Variants in LRRFIP1 observed in about 807,000 individuals in gnomAD.
LRRFIP1 encodes the protein leucine-rich repeat flightless-interacting protein 1.
A neutral mutation model predicts 104.4 loss-of-function variants in LRRFIP1; 62 were observed. The ratio of observed to expected loss-of-function variants is 0.59; its 90% confidence interval spans 0.48 to 0.73. The LOEUF is 0.73. LRRFIP1 is among the 30% of genes least tolerant of loss of function. The pLI, the probability that LRRFIP1 is intolerant of heterozygous loss-of-function variation, is 0.00. For missense variants in LRRFIP1, 796 were observed against 824.5 expected (o/e 0.97, Z 0.42); for synonymous variants, 300 against 299.0 (o/e 1.00, Z -0.03).
intron 19 of LRRFIP1, chr2:237,763,853 A>G: frequency 6.2e-7 from 1 of 1,614,252 alleles, no homozygotes; most frequent in Non-Finnish European, 8.5e-7. Context: ...CACTCAAAGC[A>G]GTCCTGCAGA....
At chr2:237,697,830 C>A (rs998810475) in intron 1 of LRRFIP1, among the ~76,000 whole-genome samples, 5 of 149,404 alleles carry the variant, frequency 3.3e-5, no homozygotes, top group Non-Finnish European at 7.4e-5. Flanking sequence ...CCTCTCAGTC[C>A]CGCACGTCTC....
At chr2:237,747,718 G>C (rs2058060972) in intron 11 of LRRFIP1, among the ~76,000 whole-genome samples, 1 of 152,176 alleles carries the variant, frequency 6.6e-6, no homozygotes, top group Non-Finnish European at 1.5e-5. Context: ...TGAGCTACGG[G>C]AAGTTGGGTT....
intron 8 of LRRFIP1, among the ~76,000 whole-genome samples, chr2:237,733,284 C>T (rs2095094737): frequency 6.6e-6 from 1 of 152,226 alleles, no homozygotes; most frequent in Non-Finnish European, 1.5e-5. Flanking sequence ...GCTGAGGCAG[C>T]CTTGCAGTGA....
At chr2:237,629,787 A>G (rs529182946) in intron 1 of LRRFIP1, among the ~76,000 whole-genome samples, 9 of 152,256 alleles carry the variant, frequency 5.9e-5, no homozygotes, top group Admixed American at 2.6e-4. Context: ...GCTGGTTTTT[A>G]TAAAATAGAT....
intron 2 of LRRFIP1, among the ~76,000 whole-genome samples, chr2:237,710,226 C>T (rs2150042266): frequency 1.3e-5 from 2 of 152,174 alleles, no homozygotes; most frequent in East Asian, 3.9e-4. Context: ...ATCAGTGTCT[C>T]TGTAGAATGT....
chr2:237,735,442 A>T lies in LRRFIP1; in HGVS notation c.555+109A>T, dbSNP rs577129704. On this transcript the variant is annotated intron_variant, in intron 10 of 23. Coordinates refer to ENST00000308482, the MANE Select transcript of LRRFIP1 (RefSeq NM_001137550.2). The surrounding 1 kb of genome is among the most constrained non-coding windows in gnomAD (Gnocchi z 4.6). ...GGGGTGACTGGCCATTCTCAGGAGGAAGCGCCGAGTCACCGGGCTAACCGC... is the reference window on the plus strand; with the variant it reads ...GGGGTGACTGGCCATTCTCAGGAGGTAGCGCCGAGTCACCGGGCTAACCGC... 2.0e-6 allele frequency: 2 copies of T among 998,114 alleles called. No homozygotes were observed. The highest frequency in any genetic ancestry group is 3.3e-5 in the South Asian group (2 of 60,914). 61.8% of individuals were successfully genotyped at this position (998,114 alleles called of 1,614,324 possible).
intron 2 of LRRFIP1, 137 bp downstream of exon 2, chr2:237,708,767 T>C: frequency 2.0e-6 from 2 of 989,402 alleles, no homozygotes; most frequent in Non-Finnish European, 3.1e-6. Context: ...TTTGCGCCTG[T>C]GACTTCTGCC....
At chr2:237,684,969 C>A (rs1486579111) in intron 1 of LRRFIP1, among the ~76,000 whole-genome samples, 1 of 151,050 alleles carries the variant, frequency 6.6e-6, no homozygotes, top group Non-Finnish European at 1.5e-5. Context: ...CACCTGCAGG[C>A]CTAGCTACTT....
intron 1 of LRRFIP1, among the ~76,000 whole-genome samples, chr2:237,633,768 A>G (rs1414120991): frequency 2.0e-5 from 3 of 152,152 alleles, no homozygotes; most frequent in Non-Finnish European, 4.4e-5. Context: ...GAGGCCACCT[A>G]TTAATTAGGG....
intron 13 of LRRFIP1, 77 bp downstream of exon 13, chr2:237,749,401 T>A: frequency 7.0e-7 from 1 of 1,432,698 alleles, no homozygotes; most frequent in Non-Finnish European, 9.5e-7. Flanking sequence ...AAAAAAAAAG[T>A]TAATTCATAA....
intron 8 of LRRFIP1, among the ~76,000 whole-genome samples, chr2:237,730,100 C>T (rs752770794): frequency 1.3e-5 from 2 of 152,118 alleles, no homozygotes; most frequent in Non-Finnish European, 2.9e-5. Context: ...AATGAAAGGA[C>T]GTGTTTTTGT....
chr2:237,741,541 A>G (rs1361806602), intron 11 of LRRFIP1, among the ~76,000 whole-genome samples: 2 of 152,198 alleles, frequency 1.3e-5, no homozygotes, highest in African/African-American at 4.8e-5. Context: ...AGAAAATGTA[A>G]GTATTGCCAG....
At position 237,711,873 on chromosome 2, in the gene LRRFIP1, G is replaced by A. The variant is rs1294022187; in HGVS notation, c.184-2386G>A. On this transcript the variant is annotated intron_variant, in intron 2 of 23. Transcript: ENST00000308482. The surrounding 1 kb of genome is among the most constrained non-coding windows in gnomAD (Gnocchi z 4.4). Reference sequence around the variant, plus strand: ...GCCCTGGGAGACGAGAGCCAGACGAGGAAGGGCCAGCCCAGTCAGCCCAGC... The same window carrying A: ...GCCCTGGGAGACGAGAGCCAGACGAAGAAGGGCCAGCCCAGTCAGCCCAGC... Among the ~76,000 whole-genome samples, 2 of 152,228 alleles carry A rather than the reference G, an allele frequency of 1.3e-5. No individual in the cohort carries two copies. The highest frequency in any genetic ancestry group is 2.4e-5 in the African/African-American group (1 of 41,454).
intron 1 of LRRFIP1, among the ~76,000 whole-genome samples, chr2:237,687,269 GA>G (rs2092439618): frequency 6.6e-6 from 1 of 152,158 alleles, no homozygotes; most frequent in East Asian, 1.9e-4. Context: ...ATCATTTCAT[GA>G]GCCACACGTA....
intron 2 of LRRFIP1, among the ~76,000 whole-genome samples, chr2:237,710,477 G>C (rs563585559): frequency 6.6e-6 from 1 of 151,854 alleles, no homozygotes; most frequent in Non-Finnish European, 1.5e-5. Flanking sequence ...AGTAGAGATG[G>C]GGTTTCACCG....
chr2:237,628,068 C>A (rs112673461), intron 1 of LRRFIP1, among the ~76,000 whole-genome samples: 1 of 152,010 alleles, frequency 6.6e-6, no homozygotes, highest in Admixed American at 6.6e-5. Context: ...CGAGGTGGCC[C>A]GGGCTGGCCG....
At chr2:237,763,426 CAAGAAA>C (rs777315019) in intron 19 of LRRFIP1, 2 of 1,613,324 alleles carry the variant, frequency 1.2e-6, no homozygotes, top group East Asian at 2.2e-5. Flanking sequence ...AGACAAAGAA[CAAGAAA>C]AAGAAAAACA....
intron 17 of LRRFIP1, 67 bp downstream of exon 17, chr2:237,757,615 G>T (rs1049153448): frequency 3.2e-6 from 4 of 1,256,580 alleles, no homozygotes; most frequent in Non-Finnish European, 4.5e-6. Context: ...AGTTTTTTCA[G>T]AGTCTTTAGT....
At chr2:237,763,294 C>A in intron 19 of LRRFIP1, 1 of 1,614,076 alleles carries the variant, frequency 6.2e-7, no homozygotes, top group East Asian at 2.2e-5. Context: ...GAACTGAGGG[C>A]AACTGTCAGG....
Sources: allele counts gnomAD v4.1 joint callset (sites outside exome capture counted in the v4.1 genomes callset), GRCh38; gene constraint gnomAD v4.1.1; non-coding constraint Gnocchi (gnomAD v3.1); transcripts MANE v1.5; gene names NCBI Gene and HGNC (gene_info 2026-07-23, HGNC 2026-07-21).